The following NRK variants were observed in gnomAD, a reference collection of about 807,000 sequenced individuals.
NRK encodes the protein Nik related kinase.
NRK carries 67 observed loss-of-function variants against 125.2 expected under a neutral mutation model. The ratio of observed to expected loss-of-function variants is 0.54; its 90% CI spans 0.44 to 0.66. NRK has a LOEUF of 0.66. NRK is among the 30% of genes least tolerant of loss of function. The pLI, the probability that NRK is intolerant of heterozygous loss-of-function variation, is 0.00. For synonymous variants in NRK, 458 were observed against 429.0 expected (o/e 1.07, Z -0.84); for missense variants, 1,224 against 1,192.9 (o/e 1.03, Z -0.38).
chrX:105,947,004 A>T (rs2040821828), intron 26 of NRK, among the ~76,000 whole-genome samples: 1 of 112,217 alleles, frequency 8.9e-6, no homozygotes, highest in African/African-American at 3.2e-5. Context: ...CAGCATTATT[A>T]TGTGTATTCC....
chrX:105,862,464 C>G (rs2039615764), intron 2 of NRK, among the ~76,000 whole-genome samples: 1 of 110,479 alleles, frequency 9.1e-6, no homozygotes, highest in Non-Finnish European at 1.9e-5. Context: ...CAAATTAAAG[C>G]TAATCATAAG....
At chrX:105,836,590 CT>C (rs1280773684) in intron 2 of NRK, among the ~76,000 whole-genome samples, 1 of 111,972 alleles carries the variant, frequency 8.9e-6, no homozygotes, top group African/African-American at 3.2e-5. Flanking sequence ...TAAATAAACA[CT>C]TAAAAATGTT....
At chrX:105,854,215 C>G (rs759923855) in intron 2 of NRK, among the ~76,000 whole-genome samples, 1 of 112,054 alleles carries the variant, frequency 8.9e-6, no homozygotes, top group Non-Finnish European at 1.9e-5. Flanking sequence ...ATAGAATTTA[C>G]GTAGTGAGAT....
chrX:105,880,509 C>T (rs2039871753), intron 3 of NRK, among the ~76,000 whole-genome samples: 1 of 110,974 alleles, frequency 9.0e-6, no homozygotes, highest in Non-Finnish European at 1.9e-5. Flanking sequence ...TATTCTATAA[C>T]ACTGAGGAAT....
intron 2 of NRK, among the ~76,000 whole-genome samples, chrX:105,834,787 T>A (rs1602592810): frequency 9.0e-6 from 1 of 110,974 alleles, no homozygotes; most frequent in East Asian, 2.8e-4. Context: ...GATTCCTTTC[T>A]CAGCTGTTTC....
chrX:105,946,375 A>C lies in NRK; in HGVS notation c.4264A>C (p.Arg1422=). The change falls in exon 26 of 29, where the codon AGA becomes CGA. Residue 1422 remains arginine (R), a synonymous_variant. Transcript: ENST00000243300. ...TVDLAIGSEK[R]LKIFFSSADG... is the part of the protein sequence containing the mutation. ...TGACCTGGCTATTGGTTCTGAAAAA[A>C]GACTAAAGATTTTCTTCAGCTCAGC... 3.3e-6 allele frequency: 4 copies of C among 1,198,144 alleles called. No homozygotes were observed. The highest frequency in any genetic ancestry group is 4.5e-6 in the Non-Finnish European group (4 of 883,173).
chrX:105,823,055 A>C (rs1376142376), intron 1 of NRK, among the ~76,000 whole-genome samples, 153 bp downstream of exon 1: 1 of 113,220 alleles, frequency 8.8e-6, no homozygotes, highest in Non-Finnish European at 1.9e-5. Flanking sequence ...CGGCATGCGG[A>C]AAAGGCGCCC....
In NRK at chrX:105,957,694, A is replaced by G. The variant is rs1406366039; in HGVS notation, c.*2094A>G. The G allele has an allele frequency of 8.9e-6, 1 of 111,846 alleles. No homozygotes were observed. The highest frequency in any genetic ancestry group is 2.8e-4 in the East Asian group (1 of 3,575). The allele number at this position is 111,846 out of a possible 1,213,427, so 9.2% of individuals were successfully genotyped here. A position where few individuals can be genotyped will look rare whatever the true frequency, so the allele number is the denominator to read the frequency against. On this transcript the variant is annotated 3_prime_UTR_variant, in exon 29 of 29. Coordinates refer to ENST00000243300, the MANE Select transcript of NRK (RefSeq NM_198465.4). ...GATTGTAAATGATAAACCGAGCTTT[A>G]AAGGATAAAGTGTTAATAAAGAAAG... is the stretch of plus-strand genomic sequence containing the variant.
At chrX:105,931,471 T>C (rs2040593865) in intron 19 of NRK, among the ~76,000 whole-genome samples, 1 of 111,677 alleles carries the variant, frequency 9.0e-6, no homozygotes, top group African/African-American at 3.3e-5. Context: ...TATGAGATTC[T>C]CCTGTAGTAA....
rs762359580 is a variant in NRK, at chrX:105,909,414, G to A, written c.1773G>A (p.Leu591=). 2.5e-6 allele frequency: 3 copies of A among 1,208,011 alleles called. No homozygotes were observed. The highest frequency in any genetic ancestry group is 2.2e-6 in the Non-Finnish European group (2 of 893,550). Residue 591 remains leucine (L), a synonymous_variant, in exon 13 of 29, where the codon CTG becomes CTA. Transcript: ENST00000243300. The part of the protein sequence containing the change: ...LRVNAQVFLP[L]LSQDHHVLLP... ...TAAATGCCCAGGTATTTCTGCCCCT[G>A]CTATCACAAGATCACCATGTGCTGT... is the stretch of plus-strand genomic sequence containing the variant.
chrX:105,939,427 A>T (rs2040707572), intron 22 of NRK, among the ~76,000 whole-genome samples: 1 of 111,599 alleles, frequency 9.0e-6, no homozygotes, highest in African/African-American at 3.3e-5. Flanking sequence ...ATGACAGAAC[A>T]CAAAGATACC....
intron 16 of NRK, 126 bp from the exon 17 acceptor site, chrX:105,921,838 G>A: frequency 7.9e-6 from 3 of 379,999 alleles, no homozygotes; most frequent in Non-Finnish European, 1.4e-5. Context: ...CTTCCTGAAT[G>A]GAATCATAAA....
chrX:105,945,792 G>A (rs1324830850), intron 24 of NRK, 80 bp from the exon 25 acceptor site: 1 of 903,949 alleles, frequency 1.1e-6, no homozygotes, highest in African/African-American at 2.0e-5. Flanking sequence ...TTTTGTTTTG[G>A]ACTAGAAACC....
chrX:105,839,666 A>C (rs1343022562), intron 2 of NRK, among the ~76,000 whole-genome samples: 1 of 112,291 alleles, frequency 8.9e-6, no homozygotes, highest in Non-Finnish European at 1.9e-5. Flanking sequence ...AGTATGTCCC[A>C]AGTATCATGT....
At chrX:105,849,119 G>GCA (rs1383894515) in intron 2 of NRK, among the ~76,000 whole-genome samples, 1 of 111,520 alleles carries the variant, frequency 9.0e-6, no homozygotes, top group Non-Finnish European at 1.9e-5. Context: ...TGGTTTAATT[G>GCA]GACTTACAGT....
chrX:105,860,714 A>G (rs933353517), intron 2 of NRK, among the ~76,000 whole-genome samples: 1 of 110,366 alleles, frequency 9.1e-6, no homozygotes, highest in Non-Finnish European at 1.9e-5. Flanking sequence ...AGTAATTGCC[A>G]TTACTTTTAT....
chrX:105,886,437 T>C (rs978769306), intron 4 of NRK, among the ~76,000 whole-genome samples: 8 of 104,607 alleles, frequency 7.6e-5, no homozygotes, highest in Non-Finnish European at 1.6e-4. Context: ...ATATTATATA[T>C]ACAGATAATT....
Position 105,915,776 on chromosome X carries a change from A to C in NRK, c.2396A>C (p.His799Pro). ...GTGCCTAACAACCAGGATCATGCAC[A>C]TCATGTCAAGTTCTCTTCAAGGTAT... ...PSVPNNQDHA[H>P]HVKFSSSVPQ... Residue 799 changes from histidine (H) to proline (P), a missense_variant, in exon 15 of 29, where the codon CAT (histidine) becomes CCT (proline). Transcript: ENST00000243300. The C allele has an allele frequency of 8.7e-7, 1 of 1,143,312 alleles. No homozygotes were observed. The highest frequency in any genetic ancestry group is 1.8e-5 in the South Asian group (1 of 54,125). 94.2% of individuals were successfully genotyped at this position (1,143,312 alleles called of 1,213,427 possible). A position where few individuals can be genotyped will look rare whatever the true frequency, so the allele number is the denominator to read the frequency against.
chrX:105,866,975 G>T (rs747631638), intron 2 of NRK, among the ~76,000 whole-genome samples: 123 of 110,508 alleles, frequency 1.1e-3, no homozygotes, highest in African/African-American at 3.8e-3. Context: ...TTGCAGACAG[G>T]CATTCAGTGA....
Sources: gnomAD v4.1 joint callset for allele counts (sites outside exome capture counted in the v4.1 genomes callset) on GRCh38, gnomAD v4.1.1 for gene constraint, MANE v1.5 for transcripts, NCBI Gene and HGNC (gene_info 2026-07-23, HGNC 2026-07-21) for gene names.